Variants in SS18 observed in about 807,000 individuals in gnomAD.
SS18 encodes the protein protein SSXT.
Under a neutral mutation model 72.5 loss-of-function variants are expected in SS18, and 28 were observed. The observed-to-expected ratio is 0.39, with a 90% confidence interval of 0.29 to 0.53. SS18 has a LOEUF of 0.53. SS18 is among the 20% of genes least tolerant of loss of function. The probability of loss-of-function intolerance (pLI) is 0.76; values close to 1 mark genes in which losing one functional copy is unlikely to be tolerated. For missense variants in SS18, 518 were observed against 535.3 expected, an observed-to-expected ratio of 0.97 and a Z score of 0.32; for synonymous variants, 172 against 164.2, an observed-to-expected ratio of 1.05 and a Z score of -0.37.
At chr18:26,084,521 A>T (rs368209426) in intron 2 of SS18, among the ~76,000 whole-genome samples, 1 of 152,284 alleles carries the variant, frequency 6.6e-6, no homozygotes, top group South Asian at 2.1e-4. Context: ...AACAAACCAT[A>T]AAGTTATGAT....
At chr18:26,032,738 A>G (rs1276813711) in intron 9 of SS18, among the ~76,000 whole-genome samples, 1 of 152,196 alleles carries the variant, frequency 6.6e-6, no homozygotes, top group Non-Finnish European at 1.5e-5. Context: ...ACTTCACTAT[A>G]ATTATCGTAC....
chr18:26,055,151 T>C (rs2053994069), intron 4 of SS18, among the ~76,000 whole-genome samples: 1 of 152,086 alleles, frequency 6.6e-6, no homozygotes, highest in African/African-American at 2.4e-5. Flanking sequence ...TAGGCATGTA[T>C]TACCTAGCTT....
chr18:26,083,260 TATATATATA>T (rs2054560183), intron 2 of SS18, among the ~76,000 whole-genome samples: 1 of 151,990 alleles, frequency 6.6e-6, no homozygotes, highest in Non-Finnish European at 1.5e-5. Context: ...GAAATGATCA[TATATATATA>T]TCTGAAAAAG....
intron 3 of SS18, among the ~76,000 whole-genome samples, chr18:26,077,638 A>G (rs1422330855): frequency 6.6e-6 from 1 of 152,160 alleles, no homozygotes; most frequent in African/African-American, 2.4e-5. Flanking sequence ...TTTGTTTTAG[A>G]TAACGGATAA....
At chr18:26,067,877 G>A (rs2054247423) in intron 3 of SS18, among the ~76,000 whole-genome samples, 1 of 152,176 alleles carries the variant, frequency 6.6e-6, no homozygotes, top group Non-Finnish European at 1.5e-5. Context: ...TGGCCGGATG[G>A]TGGGAGGGGC....
intron 9 of SS18, among the ~76,000 whole-genome samples, 196 bp from the exon 10 acceptor site, chr18:26,032,728 A>C (rs1196321667): frequency 1.3e-5 from 2 of 152,216 alleles, no homozygotes; most frequent in Non-Finnish European, 2.9e-5. Flanking sequence ...CTGTAATGTT[A>C]CTTCACTATA....
rs73403585 is a variant in SS18, at chr18:26,080,332, C to T, written c.147-2172G>A. 3.6e-3 allele frequency: 3,502 copies of T among 985,334 alleles called. 69 individuals carry two copies. The African/African-American group carries it at 0.056, about 16-fold the overall frequency. 61.0% of individuals were successfully genotyped at this position (985,334 alleles called of 1,614,324 possible). A position where few individuals can be genotyped will look rare whatever the true frequency, so the allele number is the denominator to read the frequency against. ...GTTTCAGTCTAGGCCTTCAAGTTTT[C>T]CTTTGCTTGAGTATTAGTATGGTTG... On this transcript the variant is annotated intron_variant, in intron 2 of 10. Coordinates refer to ENST00000415083, the MANE Select transcript of SS18 (RefSeq NM_001007559.3).
intron 3 of SS18, among the ~76,000 whole-genome samples, chr18:26,064,205 G>T (rs962433363): frequency 6.6e-6 from 1 of 151,988 alleles, no homozygotes; most frequent in Non-Finnish European, 1.5e-5. Context: ...ACCTTCAATA[G>T]AGAATTCTTC....
At chr18:26,050,766 G>A (rs1006980101) in intron 5 of SS18, among the ~76,000 whole-genome samples, 10 of 151,934 alleles carry the variant, frequency 6.6e-5, no homozygotes, top group African/African-American at 1.5e-4. Context: ...AAAATTAGCC[G>A]GGCGTAGTGG....
chr18:26,069,230 C>T lies in SS18; in HGVS notation c.231+8846G>A, dbSNP rs572878314. Reference sequence around the variant, plus strand: ...TCACTGAGTACCTTTACATGTTGGACACCATGAACTGTTTTACAGCATTCT... The same window carrying T: ...TCACTGAGTACCTTTACATGTTGGATACCATGAACTGTTTTACAGCATTCT... On this transcript the variant is annotated intron_variant, in intron 3 of 10. Transcript: ENST00000415083. 6.2e-4 allele frequency among the ~76,000 whole-genome samples: 94 copies of T among 152,148 alleles called. 1 individual carries two copies. The highest frequency in any genetic ancestry group is 2.2e-3 in the African/African-American group (90 of 41,534).
intron 5 of SS18, 65 bp from the exon 6 acceptor site, chr18:26,039,521 T>C: frequency 2.8e-6 from 4 of 1,429,764 alleles, no homozygotes; most frequent in Non-Finnish European, 3.8e-6. Context: ...TCAAGAGAAA[T>C]AAGATAATCT....
In SS18 at chr18:26,034,953, A is replaced by C. The variant is rs1233427561; in HGVS notation, c.1096+52T>G. On this transcript the variant is annotated intron_variant, in intron 9 of 10. Coordinates refer to ENST00000415083, the MANE Select transcript of SS18 (RefSeq NM_001007559.3). ...ATTAAATATCCACTTCCATATTTTA[A>C]AACAATCAGCACATTTTTTTGGTGA... The C allele has an allele frequency of 1.1e-5, 18 of 1,573,446 alleles. No individual in the cohort carries two copies. In the Admixed American group the frequency reaches 1.3e-4, roughly 11 times the overall value.
chr18:26,064,388 T>G (rs2054176578), intron 3 of SS18, among the ~76,000 whole-genome samples: 2 of 152,008 alleles, frequency 1.3e-5, no homozygotes, highest in Non-Finnish European at 2.9e-5. Context: ...TAAACAAAAT[T>G]TTAGCAAATC....
At chr18:26,053,165 A>G (rs2053952915) in intron 4 of SS18, among the ~76,000 whole-genome samples, 1 of 152,220 alleles carries the variant, frequency 6.6e-6, no homozygotes, top group Admixed American at 6.5e-5. Flanking sequence ...TAACAGATCG[A>G]TTGAACAGAA....
At chr18:26,049,218 T>C (rs1198824883) in intron 5 of SS18, among the ~76,000 whole-genome samples, 1 of 152,224 alleles carries the variant, frequency 6.6e-6, no homozygotes, top group African/African-American at 2.4e-5. Context: ...CTGTCCAATA[T>C]AACATCTTCA....
At chr18:26,089,724 G>A (rs2054681230) in intron 1 of SS18, 1 of 152,202 alleles carries the variant, frequency 6.6e-6, no homozygotes, top group African/African-American at 2.4e-5. Flanking sequence ...CCTTTAAAAA[G>A]GAGGCAGCTC....
chr18:26,056,324 A>AG (rs2054020017), intron 4 of SS18, among the ~76,000 whole-genome samples: 1 of 152,222 alleles, frequency 6.6e-6, no homozygotes, highest in Non-Finnish European at 1.5e-5. Context: ...AACCTGCACT[A>AG]TCACTACCTT....
chr18:26,050,549 T>C (rs1598566829), intron 5 of SS18, among the ~76,000 whole-genome samples: 1 of 152,110 alleles, frequency 6.6e-6, no homozygotes, highest in African/African-American at 2.4e-5. Context: ...AACATATAAT[T>C]AAAATGCTTT....
chr18:26,087,372 G>A (rs1038834881), intron 2 of SS18, 129 bp downstream of exon 2: 1 of 615,508 alleles, frequency 1.6e-6, no homozygotes. Flanking sequence ...AAAAAACATT[G>A]AATTGTACAC....
Sources: gnomAD v4.1 joint callset for allele counts (sites outside exome capture counted in the v4.1 genomes callset) on GRCh38, gnomAD v4.1.1 for gene constraint, MANE v1.5 for transcripts, NCBI Gene and HGNC (gene_info 2026-07-23, HGNC 2026-07-21) for gene names.